NBAS: variants seen among roughly 807,000 people sequenced by gnomAD.
The protein encoded by NBAS is NBAS subunit of NRZ tethering complex, also known as NAG/BC035112 fusion.
Under a neutral mutation model 302.5 loss-of-function variants are expected in NBAS, and 219 were observed. That is an observed-to-expected ratio of 0.72 (90% confidence interval 0.65 to 0.81). NBAS has a LOEUF of 0.81. Among genes scored for constraint, NBAS ranks in the 30% least tolerant of loss-of-function variants. The pLI, the probability that NBAS is intolerant of heterozygous loss-of-function variation, is 0.00. For synonymous variants in NBAS, 1,118 were observed against 1,021.6 expected (o/e 1.09, Z -1.80); for missense variants, 2,932 against 2,841.6 (o/e 1.03, Z -0.72).
chr2:14,802,066 T>C, the NBAS span, among the ~76,000 whole-genome samples: 809 of 146,904 alleles, frequency 5.5e-3, 1 homozygote, highest in Non-Finnish European at 8.2e-3. Flanking sequence ...GTTGCCATTG[T>C]TTTTGGTGTT....
At chr2:15,135,500 G>C in the NBAS span, among the ~76,000 whole-genome samples, 1 of 152,274 alleles carries the variant, frequency 6.6e-6, no homozygotes, top group Admixed American at 6.5e-5. Flanking sequence ...AGCCAAAACA[G>C]AGGCCTTTCC....
chr2:14,790,786 G>A, the NBAS span, among the ~76,000 whole-genome samples: 1 of 151,984 alleles, frequency 6.6e-6, no homozygotes, highest in Admixed American at 6.6e-5. Flanking sequence ...TGAGTAGCGG[G>A]GATTACAGGC....
chr2:15,072,597 G>A, the NBAS span, among the ~76,000 whole-genome samples: 1 of 152,104 alleles, frequency 6.6e-6, no homozygotes, highest in Non-Finnish European at 1.5e-5. Flanking sequence ...TTTAACCTCG[G>A]TTTTGTGTTT....
At position 15,309,923 on chromosome 2, in the gene NBAS, T is replaced by C. The variant is rs529460022; in HGVS notation, c.4583-676A>G. 7.2e-5 allele frequency among the ~76,000 whole-genome samples: 11 copies of C among 152,372 alleles called. No individual in the cohort carries two copies. The South Asian group carries it at 2.3e-3, about 32-fold the overall frequency. On this transcript the variant is annotated intron_variant, in intron 38 of 51. Coordinates refer to ENST00000281513, the MANE Select transcript of NBAS (RefSeq NM_015909.4). ...TGTACACAGCTTGTTTCAATAAGGATGTATCCTATTCATTTAGCATCTCAG... is the reference window on the plus strand; with the variant it reads ...TGTACACAGCTTGTTTCAATAAGGACGTATCCTATTCATTTAGCATCTCAG...
chr2:15,409,256 G>A (rs968022498), intron 25 of NBAS, among the ~76,000 whole-genome samples: 5 of 152,104 alleles, frequency 3.3e-5, no homozygotes, highest in African/African-American at 1.2e-4. Context: ...TTCCATTAGA[G>A]TACATCTAAA....
intron 40 of NBAS, among the ~76,000 whole-genome samples, chr2:15,298,379 G>GA (rs1354631779): frequency 1.3e-5 from 2 of 152,068 alleles, no homozygotes; most frequent in Non-Finnish European, 2.9e-5. Context: ...AAGCTTCTAA[G>GA]AAAAAATTAC....
rs747661799 is a variant in NBAS, at chr2:15,511,386, G to A, written c.747-36C>T. 3.1e-6 allele frequency: 5 copies of A among 1,592,572 alleles called. No individual in the cohort carries two copies. In the African/African-American group the frequency reaches 4.0e-5, roughly 13 times the overall value. On this transcript the variant is annotated intron_variant, in intron 9 of 51. Coordinates refer to ENST00000281513, the MANE Select transcript of NBAS (RefSeq NM_015909.4). Reference sequence around the variant, plus strand: ...GAAAATTTTTAAAAATCGATAAATTGCAAATATAAATAAGAGCAAAACAAA... The same window carrying A: ...GAAAATTTTTAAAAATCGATAAATTACAAATATAAATAAGAGCAAAACAAA...
In NBAS at chr2:15,173,539, A is replaced by G. The variant is rs904143888; in HGVS notation, c.6840+5449T>C. Reference sequence around the variant, plus strand: ...GGTAGAAAAATAAAAGGACAACGTAAGTATACGCTTGAGAAAAACACATAC... The same window carrying G: ...GGTAGAAAAATAAAAGGACAACGTAGGTATACGCTTGAGAAAAACACATAC... On this transcript the variant is annotated intron_variant, in intron 51 of 51. Coordinates refer to ENST00000281513, the MANE Select transcript of NBAS (RefSeq NM_015909.4). Among the ~76,000 whole-genome samples the G allele has an allele frequency of 3.9e-5, 6 of 152,348 alleles. No homozygotes were observed. The South Asian group carries it at 1.2e-3, about 32-fold the overall frequency.
At chr2:14,884,082 T>C in the NBAS span, among the ~76,000 whole-genome samples, 13 of 152,098 alleles carry the variant, frequency 8.5e-5, no homozygotes, top group Non-Finnish European at 1.8e-4. Flanking sequence ...CTGGGGGGAC[T>C]CTTGGCAGCA....
At chr2:15,002,287 C>A in the NBAS span, among the ~76,000 whole-genome samples, 3 of 152,188 alleles carry the variant, frequency 2.0e-5, no homozygotes, top group Non-Finnish European at 4.4e-5. Context: ...CATAAAGGTT[C>A]TCCAAGGCCC....
At chr2:14,970,299 T>C in the NBAS span, among the ~76,000 whole-genome samples, 1 of 152,222 alleles carries the variant, frequency 6.6e-6, no homozygotes, top group Non-Finnish European at 1.5e-5. Flanking sequence ...GGATCTTCAA[T>C]GATTCCAACA....
At chr2:15,488,512 G>A (rs1297080100) in intron 12 of NBAS, among the ~76,000 whole-genome samples, 1 of 152,116 alleles carries the variant, frequency 6.6e-6, no homozygotes, top group Non-Finnish European at 1.5e-5. Flanking sequence ...AATAACTAGT[G>A]TTGCAAGATT....
intron 19 of NBAS, among the ~76,000 whole-genome samples, chr2:15,466,398 A>T (rs1178785852): frequency 6.6e-6 from 1 of 152,204 alleles, no homozygotes; most frequent in African/African-American, 2.4e-5. Context: ...TTCAGCTATA[A>T]GAGTCATGTG....
chr2:15,432,239 C>T (rs569087848), intron 21 of NBAS, among the ~76,000 whole-genome samples: 1 of 150,220 alleles, frequency 6.7e-6, no homozygotes, highest in South Asian at 2.1e-4. Flanking sequence ...TTTTCCCCTG[C>T]TTGGGAAGTC....
chr2:15,169,620 C>A (rs2125099547), intron 51 of NBAS, among the ~76,000 whole-genome samples: 1 of 152,296 alleles, frequency 6.6e-6, no homozygotes, highest in East Asian at 1.9e-4. Context: ...GTGGAGTGGC[C>A]TAGAAGCCCG....
chr2:15,384,383 C>T (rs2148386088), intron 28 of NBAS, among the ~76,000 whole-genome samples: 1 of 152,254 alleles, frequency 6.6e-6, no homozygotes, highest in Middle Eastern at 3.4e-3. Context: ...TGACAAAACA[C>T]AGGCATTGAA....
At chr2:15,428,628 A>G (rs1485505733) in intron 21 of NBAS, among the ~76,000 whole-genome samples, 1 of 152,134 alleles carries the variant, frequency 6.6e-6, no homozygotes, top group Admixed American at 6.6e-5. Context: ...TGTCCCAACC[A>G]CTCAGAAAGC....
intron 1 of NBAS, 33 bp downstream of exon 1, chr2:15,561,155 A>C: frequency 6.2e-7 from 1 of 1,601,928 alleles, no homozygotes; most frequent in South Asian, 1.1e-5. Context: ...GCCCGCGCCA[A>C]GCTGGCTGCT....
At chr2:15,156,308 G>C in the NBAS span, among the ~76,000 whole-genome samples, 2 of 152,194 alleles carry the variant, frequency 1.3e-5, no homozygotes, top group Non-Finnish European at 2.9e-5. Context: ...TTCCTATAGG[G>C]CAGGGGGATA....
Sources: allele counts gnomAD v4.1 joint callset (sites outside exome capture counted in the v4.1 genomes callset), GRCh38; gene constraint gnomAD v4.1.1; transcripts MANE v1.5; gene names NCBI Gene and HGNC (gene_info 2026-07-23, HGNC 2026-07-21).